The following PSD2 variants were observed in gnomAD, a reference collection of about 807,000 sequenced individuals.
PSD2 encodes pleckstrin and Sec7 domain containing 2.
In PSD2, 38 loss-of-function variants were observed where a neutral mutation model predicts 69.8. The ratio of observed to expected loss-of-function variants is 0.54; its 90% CI spans 0.42 to 0.71. The LOEUF (loss-of-function observed/expected upper bound fraction) is 0.71. Ranked by LOEUF, PSD2 falls within the 30% of genes least tolerant of loss-of-function variation. The pLI is 0.00. For synonymous variants in PSD2, 412 were observed against 423.0 expected (o/e 0.97, Z 0.32); for missense variants, 943 against 1,014.5 (o/e 0.93, Z 0.96).
At chr5:139,766,912 CCTTCCTTCCTTCCTTCCCT>C in the PSD2 span, among the ~76,000 whole-genome samples, 1 of 64,774 alleles carries the variant, frequency 1.5e-5, no homozygotes, top group Non-Finnish European at 3.1e-5. Context: ...TCCCTCCCTT[CCTTCCTTCCTTCCTTCCCT>C]TCTTTCTTTC....
chr5:139,829,638 T>G (rs935978441), intron 7 of PSD2, among the ~76,000 whole-genome samples: 1 of 152,250 alleles, frequency 6.6e-6, no homozygotes, highest in Non-Finnish European at 1.5e-5. Flanking sequence ...GTTTTCAAGA[T>G]TCATTCATGT....
the PSD2 span, among the ~76,000 whole-genome samples, chr5:139,771,094 G>C: frequency 1.3e-5 from 2 of 152,184 alleles, no homozygotes; most frequent in Non-Finnish European, 2.9e-5. Flanking sequence ...TATATCTCTA[G>C]GTACAGATAC....
the PSD2 span, among the ~76,000 whole-genome samples, chr5:139,749,032 A>G: frequency 6.6e-6 from 1 of 152,088 alleles, no homozygotes; most frequent in Non-Finnish European, 1.5e-5. Context: ...GGTGGCAGTT[A>G]GCATCCAGTC....
At chr5:139,786,379 C>A in the PSD2 span, among the ~76,000 whole-genome samples, 30 of 152,238 alleles carry the variant, frequency 2.0e-4, no homozygotes, top group African/African-American at 7.0e-4. Context: ...CAGAGCAAGA[C>A]CCTGCTTCGC....
rs1581719052 is a variant in PSD2 at position 139,813,508 on chromosome 5, A to G, written c.571A>G (p.Ser191Gly). Reference protein sequence around the residue: ...TPLIQQRARDSPEPGAGLGIG... With the variant: ...TPLIQQRARDGPEPGAGLGIG... ...CCTCATCCAGCAGCGGGCCCGTGAC[A>G]GCCCTGAGCCAGGGGCTGGGTTGGG... The change falls in exon 3 of 15, where the codon AGC becomes GGC. Residue 191 changes from serine (S) to glycine (G), a missense_variant. Ser to Gly is a moderately conservative substitution (Grantham distance 56, BLOSUM62 0). Transcript: ENST00000274710. 1.2e-6 allele frequency: 2 copies of G among 1,612,110 alleles called. No individual in the cohort carries two copies. The highest frequency in any genetic ancestry group is 1.7e-6 in the Non-Finnish European group (2 of 1,178,566).
intron 1 of PSD2, among the ~76,000 whole-genome samples, chr5:139,798,880 G>GT (rs147165635): frequency 0.017 from 2,550 of 151,720 alleles, 81 homozygotes; most frequent in African/African-American, 0.057. Flanking sequence ...CTTTATAGCT[G>GT]TTTTTTTTAA....
Position 139,817,461 on chromosome 5 carries a change from A to G in PSD2, c.1017-20A>G, listed in dbSNP as rs371792247. 1 of 1,609,608 alleles carries G rather than the reference A, an allele frequency of 6.2e-7. No individual in the cohort carries two copies. ...GGGCTGGACCCTGCTTCTAACAGACATCCCATACTCTCCTGGCAGCAACGA... is the reference window on the plus strand; with the variant it reads ...GGGCTGGACCCTGCTTCTAACAGACGTCCCATACTCTCCTGGCAGCAACGA... On this transcript the variant is annotated intron_variant, in intron 4 of 14. Transcript: ENST00000274710.
upstream of PSD2, among the ~76,000 whole-genome samples, chr5:139,792,316 A>G (rs1759427958): frequency 6.6e-6 from 1 of 152,072 alleles, no homozygotes; most frequent in African/African-American, 2.4e-5. Context: ...TGGGTGTTTT[A>G]GGGGTCCTCT....
Position 139,822,757 on chromosome 5 carries a change from G to A in PSD2, c.1242G>A (p.Met414Ile). The A allele has an allele frequency of 5.0e-6, 8 of 1,611,166 alleles. No individual in the cohort carries two copies. Among genetic ancestry groups the A allele is most frequent in the Non-Finnish European group, 5.9e-6 (7 of 1,178,632 alleles). ...DGIHTLTCAL[M>I]LLNTDLHGHN... Reference sequence around the variant, plus strand: ...TCCACACGCTCACCTGTGCCCTGATGCTGCTCAACACGGACCTGCACGGCC... The same window carrying A: ...TCCACACGCTCACCTGTGCCCTGATACTGCTCAACACGGACCTGCACGGCC... Residue 414 changes from methionine to isoleucine, a missense_variant, in exon 7 of 15, where the codon ATG (methionine) becomes ATA (isoleucine). Physicochemically the swap from Met to Ile is conservative, Grantham distance 10 (BLOSUM62 1). Transcript: ENST00000274710.
intron 1 of PSD2, among the ~76,000 whole-genome samples, chr5:139,803,550 A>T (rs149847177): frequency 6.6e-6 from 1 of 152,318 alleles, no homozygotes; most frequent in East Asian, 1.9e-4. Context: ...GCTCAGATAG[A>T]CAGGCAGTTT....
chr5:139,753,814 A>T, the PSD2 span, among the ~76,000 whole-genome samples: 2 of 149,068 alleles, frequency 1.3e-5, no homozygotes, highest in Non-Finnish European at 2.9e-5. Context: ...CTGTTCCCAG[A>T]GTTGTTTTTT....
At chr5:139,782,624 C>G in the PSD2 span, among the ~76,000 whole-genome samples, 1 of 152,078 alleles carries the variant, frequency 6.6e-6, no homozygotes, top group Admixed American at 6.5e-5. Context: ...TCCCAAGTAG[C>G]TGGGACTACA....
chr5:139,765,065 AC>A, the PSD2 span, among the ~76,000 whole-genome samples: 1 of 150,622 alleles, frequency 6.6e-6, no homozygotes, highest in Admixed American at 6.6e-5. Flanking sequence ...CCTGCCACGA[AC>A]CCTTCCAACG....
chr5:139,828,628 C>T (rs538890954), intron 7 of PSD2, among the ~76,000 whole-genome samples: 1 of 152,312 alleles, frequency 6.6e-6, no homozygotes, highest in African/African-American at 2.4e-5. Flanking sequence ...TCAGCCCCTC[C>T]CCTCCTCCCG....
chr5:139,776,592 T>G, the PSD2 span, among the ~76,000 whole-genome samples: 6 of 152,032 alleles, frequency 3.9e-5, no homozygotes, highest in Non-Finnish European at 7.4e-5. Flanking sequence ...AAGTCCTCCC[T>G]GACCATCCCC....
chr5:139,745,230 G>A, the PSD2 span: 1 of 152,284 alleles, frequency 6.6e-6, no homozygotes, highest in South Asian at 2.1e-4. Flanking sequence ...GTAGAGTTGA[G>A]TGACAGAGCT....
intron 5 of PSD2, among the ~76,000 whole-genome samples, chr5:139,819,713 C>T (rs2126946713): frequency 6.6e-6 from 1 of 152,236 alleles, no homozygotes; most frequent in East Asian, 1.9e-4. Context: ...CTTAAGAAAA[C>T]CCATGGTTTT....
chr5:139,765,086 C>T, the PSD2 span, among the ~76,000 whole-genome samples: 1 of 151,854 alleles, frequency 6.6e-6, no homozygotes, highest in South Asian at 2.1e-4. Context: ...GCCCCCTCAC[C>T]CTCTCAGTTG....
the PSD2 span, among the ~76,000 whole-genome samples, chr5:139,786,484 A>G: frequency 6.6e-6 from 1 of 152,242 alleles, no homozygotes. Context: ...GGTGTCATGG[A>G]CATTAGAGCT....
Sources: gnomAD v4.1 joint callset for allele counts (sites outside exome capture counted in the v4.1 genomes callset) on GRCh38, gnomAD v4.1.1 for gene constraint, MANE v1.5 for transcripts, NCBI Gene and HGNC (gene_info 2026-07-23, HGNC 2026-07-21) for gene names.